The following NPC1L1 variants were observed in gnomAD, a reference collection of about 807,000 sequenced individuals.
NPC1L1 encodes the protein NPC1 like intracellular cholesterol transporter 1.
NPC1L1 carries 98 observed loss-of-function variants against 117.0 expected under a neutral mutation model. The ratio of observed to expected loss-of-function variants is 0.84; its 90% CI spans 0.71 to 0.99. NPC1L1 has a LOEUF of 0.99. NPC1L1 is among the 50% of genes least tolerant of loss of function. The probability of loss-of-function intolerance (pLI) is 0.00; values close to 1 mark genes in which losing one functional copy is unlikely to be tolerated. For missense variants in NPC1L1, 1,540 were observed against 1,710.0 expected, an observed-to-expected ratio of 0.90 and a Z score of 1.75; for synonymous variants, 729 against 727.6, an observed-to-expected ratio of 1.00 and a Z score of -0.03.
chr7:44,536,797 A>ACCT lies in NPC1L1; in HGVS notation c.1681+44_1681+45insAGG. On this transcript the variant is annotated intron_variant, in intron 3 of 18. Coordinates refer to ENST00000381160, the MANE Select transcript of NPC1L1 (RefSeq NM_001101648.2). The surrounding 1 kb of genome is among the most constrained non-coding windows in gnomAD (Gnocchi z 4.7). ...CCTCCCGTCTATGGTTCCTGCCCCA[A>ACCT]TACTGCATCTTCCTTGGCTTCCTCT... 1 of 1,525,372 alleles carries ACCT rather than the reference A, an allele frequency of 6.6e-7. No individual in the cohort carries two copies. Among genetic ancestry groups the ACCT allele is most frequent in the South Asian group, 1.1e-5 (1 of 89,134 alleles). 94.5% of individuals were successfully genotyped at this position (1,525,372 alleles called of 1,614,324 possible).
chr7:44,521,269 GAGA>G (rs1801344583), intron 12 of NPC1L1, 151 bp from the exon 13 acceptor site: 8 of 1,099,164 alleles, frequency 7.3e-6, no homozygotes, highest in Non-Finnish European at 4.0e-6. Context: ...TCATTTGTGG[GAGA>G]AGTTCTCCTC....
chr7:44,539,866 G>A lies in NPC1L1; in HGVS notation c.531C>T (p.Val177=). The A allele has an allele frequency of 1.2e-6, 2 of 1,614,080 alleles. No homozygotes were observed. The highest frequency in any genetic ancestry group is 8.5e-7 in the Non-Finnish European group (1 of 1,180,030). ...QSYDSCSRVR[V]PAAATLAVGT... The stretch of plus-strand genomic sequence containing the variant: ...CCACAGCCAGCGTGGCAGCTGCAGG[G>A]ACGCGCACACGGCTGCAGGAGTCAT... The change falls in exon 2 of 19, where the codon GTC becomes GTT. Residue 177 remains valine, a synonymous_variant. Coordinates refer to ENST00000381160, the MANE Select transcript of NPC1L1 (RefSeq NM_001101648.2). The surrounding 1 kb of genome is among the most constrained non-coding windows in gnomAD (Gnocchi z 4.4).
At position 44,513,331 on chromosome 7, in the gene NPC1L1, T is replaced by A; in HGVS notation, c.*116A>T. The stretch of plus-strand genomic sequence containing the variant: ...CATCCTCCAGTGACAGGCAGTCTCA[T>A]GGGAATGGCCTCCCCTAGGATTTGA... On this transcript the variant is annotated 3_prime_UTR_variant, in exon 19 of 19. Coordinates refer to ENST00000381160, the MANE Select transcript of NPC1L1 (RefSeq NM_001101648.2). 1.0e-6 allele frequency: 1 copy of A among 992,886 alleles called. No individual in the cohort carries two copies. The highest frequency in any genetic ancestry group is 1.6e-6 in the Non-Finnish European group (1 of 632,040). 61.5% of individuals were successfully genotyped at this position (992,886 alleles called of 1,614,324 possible).
chr7:44,533,593 G>T (rs1801769208), intron 7 of NPC1L1, 35 bp from the exon 8 acceptor site: 2 of 1,613,988 alleles, frequency 1.2e-6, no homozygotes, highest in South Asian at 2.2e-5. Flanking sequence ...GGGCACCCTG[G>T]CTTCAAGGGC....
chr7:44,536,035 C>G lies in NPC1L1; in HGVS notation c.1855-67G>C. On this transcript the variant is annotated intron_variant, in intron 4 of 18. Transcript: ENST00000381160. The surrounding 1 kb of genome is among the most constrained non-coding windows in gnomAD (Gnocchi z 4.7). ...CTTCAGCCAGGCCAGCTCTCAATAG[C>G]TCGGTCACTGGGCACTAATTGTGTG... is the stretch of plus-strand genomic sequence containing the variant. 1 of 1,610,622 alleles carries G rather than the reference C, an allele frequency of 6.2e-7. No individual in the cohort carries two copies. The highest frequency in any genetic ancestry group is 2.2e-5 in the East Asian group (1 of 44,876).
chr7:44,518,421 C>G (rs1045558501), intron 14 of NPC1L1, among the ~76,000 whole-genome samples: 1 of 152,020 alleles, frequency 6.6e-6, no homozygotes, highest in African/African-American at 2.4e-5. Context: ...TCGCCGGCCT[C>G]GGTCTCCCAA....
At chr7:44,530,279 G>A (rs888412924) in intron 10 of NPC1L1, among the ~76,000 whole-genome samples, 7 of 151,076 alleles carry the variant, frequency 4.6e-5, no homozygotes, top group East Asian at 2.0e-4. Context: ...CGGAGATTGC[G>A]GTGAGCCGAG....
intron 8 of NPC1L1, among the ~76,000 whole-genome samples, chr7:44,532,502 G>A (rs976424945): frequency 1.3e-5 from 2 of 152,092 alleles, no homozygotes; most frequent in Non-Finnish European, 2.9e-5. Context: ...CTTATCCCTG[G>A]ATTCTCTTCC....
rs73321664 is a variant in NPC1L1, at chr7:44,533,308, C to A, written c.2409+123G>T. 9.6e-4 allele frequency: 1,141 copies of A among 1,183,572 alleles called. 9 individuals carry two copies. The African/African-American group carries it at 0.015, about 16-fold the overall frequency. The allele number at this position is 1,183,572 out of a possible 1,614,324, so 73.3% of individuals were successfully genotyped here. On this transcript the variant is annotated intron_variant, in intron 8 of 18. Coordinates refer to ENST00000381160, the MANE Select transcript of NPC1L1 (RefSeq NM_001101648.2). Reference sequence around the variant, plus strand: ...CATGGCCTAAATATTACTCTCCTGGCACAATGCCCCTGTCCCCCACCCCAT... The same window carrying A: ...CATGGCCTAAATATTACTCTCCTGGAACAATGCCCCTGTCCCCCACCCCAT...
chr7:44,520,727 C>T (rs748912501), intron 14 of NPC1L1, 38 bp downstream of exon 14: 45 of 1,599,168 alleles, frequency 2.8e-5, no homozygotes, highest in Middle Eastern at 1.7e-4. Context: ...CCAGAGCAAC[C>T]GATTTATGTC....
intron 18 of NPC1L1, among the ~76,000 whole-genome samples, chr7:44,515,361 T>C (rs894974022): frequency 6.6e-6 from 1 of 152,074 alleles, no homozygotes; most frequent in African/African-American, 2.4e-5. Flanking sequence ...CTCCAAAAAA[T>C]ATTAATAATA....
rs1367130695 is a variant in NPC1L1, at chr7:44,522,245, A to G, written c.2638-3T>C. ...AAATAGTCAAGCAGGTACGAGTCCT[A>G]GGAGTGGAGGAGGGTCAGTGAGCTT... On this transcript the variant is annotated splice_region_variant and splice_polypyrimidine_tract_variant and intron_variant, in intron 10 of 18. Coordinates refer to ENST00000381160, the MANE Select transcript of NPC1L1 (RefSeq NM_001101648.2). 1 of 1,611,574 alleles carries G rather than the reference A, an allele frequency of 6.2e-7. No individual in the cohort carries two copies. The highest frequency in any genetic ancestry group is 1.7e-5 in the Admixed American group (1 of 59,686).
At position 44,533,780 on chromosome 7, in the gene NPC1L1, A is replaced by G; in HGVS notation, c.2240T>C (p.Met747Thr). The change falls in exon 7 of 19, where the codon ATG becomes ACG. Residue 747 changes from methionine to threonine, a missense_variant. By Grantham distance (81) the Met-to-Thr change is moderately conservative. Coordinates refer to ENST00000381160, the MANE Select transcript of NPC1L1 (RefSeq NM_001101648.2). ...GRALGRVAPS[M>T]LLCSLSEAIC... ...GGCCTCAGAGAGGCTGCACAACAGC[A>G]TGCTGGGAGCCACCCTGCCTAGGGC... The G allele has an allele frequency of 6.2e-7, 1 of 1,614,106 alleles. No homozygotes were observed. The highest frequency in any genetic ancestry group is 8.5e-7 in the Non-Finnish European group (1 of 1,180,026).
At chr7:44,516,361 T>A (rs1801185898) in intron 16 of NPC1L1, among the ~76,000 whole-genome samples, 164 bp from the exon 17 acceptor site, 2 of 152,070 alleles carry the variant, frequency 1.3e-5, no homozygotes, top group Non-Finnish European at 2.9e-5. Context: ...CCCAACACTT[T>A]GGGAGGCCGA....
rs370856465 is a variant in NPC1L1, at chr7:44,521,878, C to G, written c.2829-42G>C. 3.3e-5 allele frequency: 54 copies of G among 1,612,988 alleles called. No homozygotes were observed. The East Asian group carries it at 8.9e-4, about 27-fold the overall frequency. On this transcript the variant is annotated intron_variant, in intron 11 of 18. Transcript: ENST00000381160. Reference sequence around the variant, plus strand: ...AGGAAGGGTGAAAAGGCCAGCTGGGCAGGGTGGTGGGTCCTTCTCGTGGCC... The same window carrying G: ...AGGAAGGGTGAAAAGGCCAGCTGGGGAGGGTGGTGGGTCCTTCTCGTGGCC...
At chr7:44,531,987 G>T (rs777283772) in intron 9 of NPC1L1, 93 bp downstream of exon 9, 4 of 1,589,550 alleles carry the variant, frequency 2.5e-6, no homozygotes, top group Non-Finnish European at 3.4e-6. Flanking sequence ...CAGCATTTGG[G>T]CCTAGGCAAC....
Position 44,538,736 on chromosome 7 carries a change from C to G in NPC1L1, c.1580+81G>C. On this transcript the variant is annotated intron_variant, in intron 2 of 18. Coordinates refer to ENST00000381160, the MANE Select transcript of NPC1L1 (RefSeq NM_001101648.2). This position sits in a 1 kb window ranked among gnomAD's most constrained non-coding sequence, Gnocchi z 5.9. ...CTGGTCCTTCAGGACCAGCTGTATGCCCGGCCAGGTTCCCAGGAGGCCATG... is the reference window on the plus strand; with the variant it reads ...CTGGTCCTTCAGGACCAGCTGTATGGCCGGCCAGGTTCCCAGGAGGCCATG... The G allele has an allele frequency of 7.1e-7, 1 of 1,416,576 alleles. No individual in the cohort carries two copies. The highest frequency in any genetic ancestry group is 9.9e-7 in the Non-Finnish European group (1 of 1,005,992). 87.8% of individuals were successfully genotyped at this position (1,416,576 alleles called of 1,614,324 possible).
At chr7:44,521,241 TA>T in intron 12 of NPC1L1, 123 bp from the exon 13 acceptor site, 2 of 1,307,286 alleles carry the variant, frequency 1.5e-6, no homozygotes, top group Non-Finnish European at 2.2e-6. Flanking sequence ...CAGTCGCTTC[TA>T]GGGGGATTTG....
Position 44,529,402 on chromosome 7 carries a change from G to A in NPC1L1, c.2637+2353C>T, listed in dbSNP as rs138175597. Among the ~76,000 whole-genome samples the A allele has an allele frequency of 4.7e-3, 689 of 148,068 alleles. 1 individual carries two copies. The highest frequency in any genetic ancestry group is 8.0e-3 in the Admixed American group (120 of 14,924). Reference sequence around the variant, plus strand: ...TATACTTTTTTTTTTTTTTTGAGACGAATCCTCACTCTGTTACCCAGGCTG... The same window carrying A: ...TATACTTTTTTTTTTTTTTTGAGACAAATCCTCACTCTGTTACCCAGGCTG... On this transcript the variant is annotated intron_variant, in intron 10 of 18. Coordinates refer to ENST00000381160, the MANE Select transcript of NPC1L1 (RefSeq NM_001101648.2).
Sources: allele counts gnomAD v4.1 joint callset (sites outside exome capture counted in the v4.1 genomes callset), GRCh38; gene constraint gnomAD v4.1.1; non-coding constraint Gnocchi (gnomAD v3.1); transcripts MANE v1.5; gene names NCBI Gene and HGNC (gene_info 2026-07-23, HGNC 2026-07-21).